The following UTS2 variants were observed in gnomAD, a reference collection of about 807,000 sequenced individuals.
UTS2 encodes the protein urotensin-2.
A neutral mutation model predicts 12.6 loss-of-function variants in UTS2; 10 were observed. The ratio of observed to expected loss-of-function variants is 0.80; its 90% CI spans 0.49 to 1.35. UTS2 has a LOEUF of 1.35. Ranked by LOEUF, UTS2 falls within the 40% of genes most tolerant of loss-of-function variation. The probability of loss-of-function intolerance (pLI) is 0.00; values close to 1 mark genes in which losing one functional copy is unlikely to be tolerated. For synonymous variants in UTS2, 52 were observed against 50.0 expected, an observed-to-expected ratio of 1.04 and a Z score of -0.17; for missense variants, 142 against 143.2, an observed-to-expected ratio of 0.99 and a Z score of 0.04.
At chr1:7,860,501 C>T in the UTS2 span, among the ~76,000 whole-genome samples, 4 of 152,162 alleles carry the variant, frequency 2.6e-5, no homozygotes. Flanking sequence ...TAAGGACTTT[C>T]TGTTTTAAAA....
At chr1:7,873,319 T>G in the UTS2 span, among the ~76,000 whole-genome samples, 1 of 152,342 alleles carries the variant, frequency 6.6e-6, no homozygotes, top group Non-Finnish European at 1.5e-5. Flanking sequence ...ATATGAGAAA[T>G]GTATTTCATG....
the UTS2 span, among the ~76,000 whole-genome samples, chr1:7,884,941 TCATC>T: frequency 1.4e-5 from 2 of 145,272 alleles, no homozygotes; most frequent in Non-Finnish European, 3.0e-5. Context: ...CACCTATCAT[TCATC>T]CATCCATCCA....
At chr1:7,861,534 G>A in the UTS2 span, among the ~76,000 whole-genome samples, 7 of 152,216 alleles carry the variant, frequency 4.6e-5, no homozygotes, top group Non-Finnish European at 1.0e-4. Context: ...GGTTCAAGAA[G>A]GGCGATCACG....
intron 3 of UTS2, 121 bp from the exon 4 acceptor site, chr1:7,848,003 A>C: frequency 1.4e-6 from 1 of 723,378 alleles, no homozygotes. Flanking sequence ...AAGTATTTGC[A>C]TTTTTCCCTG....
chr1:7,909,673 T>G, the UTS2 span, among the ~76,000 whole-genome samples: 1 of 151,842 alleles, frequency 6.6e-6, no homozygotes. Flanking sequence ...CAGGCTGGAG[T>G]GCAATGGCAC....
the UTS2 span, among the ~76,000 whole-genome samples, chr1:7,906,813 C>T: frequency 1.3e-5 from 2 of 152,152 alleles, no homozygotes; most frequent in Non-Finnish European, 2.9e-5. Context: ...AAATATTGAA[C>T]ACCAGTTAAC....
At chr1:7,909,207 G>A in the UTS2 span, among the ~76,000 whole-genome samples, 5,052 of 152,246 alleles carry the variant, frequency 0.033, 122 homozygotes, top group Non-Finnish European at 0.045. Flanking sequence ...TGAGATTTGG[G>A]TGGGGACACA....
chr1:7,889,941 C>G, the UTS2 span, among the ~76,000 whole-genome samples: 2 of 152,124 alleles, frequency 1.3e-5, no homozygotes, highest in Admixed American at 1.3e-4. Flanking sequence ...GTGGCGGGTG[C>G]CTGTGATCCC....
chr1:7,858,674 T>A, the UTS2 span, among the ~76,000 whole-genome samples: 6 of 152,234 alleles, frequency 3.9e-5, no homozygotes, highest in East Asian at 1.2e-3. Flanking sequence ...CCTCCAGGGT[T>A]CAAGCAAGTC....
chr1:7,849,339 C>T (rs1356445522), intron 3 of UTS2, among the ~76,000 whole-genome samples: 6 of 151,970 alleles, frequency 3.9e-5, no homozygotes, highest in South Asian at 2.1e-4. Context: ...CTCAGTCTCC[C>T]GAGTAGCTGG....
At chr1:7,891,231 C>G in the UTS2 span, among the ~76,000 whole-genome samples, 1 of 152,124 alleles carries the variant, frequency 6.6e-6, no homozygotes, top group Non-Finnish European at 1.5e-5. Context: ...GGAACAAGTT[C>G]AAGTCTGTTT....
At chr1:7,878,650 G>C in the UTS2 span, among the ~76,000 whole-genome samples, 1 of 151,878 alleles carries the variant, frequency 6.6e-6, no homozygotes, top group South Asian at 2.1e-4. Context: ...GATCACTGGA[G>C]CCCAGGAGTT....
At chr1:7,907,203 C>T in the UTS2 span, among the ~76,000 whole-genome samples, 1 of 152,112 alleles carries the variant, frequency 6.6e-6, no homozygotes, top group Non-Finnish European at 1.5e-5. Flanking sequence ...CTGCAATGAG[C>T]TGAGATCGTG....
the UTS2 span, among the ~76,000 whole-genome samples, chr1:7,884,203 C>T: frequency 3.3e-5 from 5 of 151,968 alleles, no homozygotes; most frequent in African/African-American, 4.8e-5. Context: ...TCACCGGGAA[C>T]ACAATATGTG....
At chr1:7,893,320 G>C in the UTS2 span, among the ~76,000 whole-genome samples, 3 of 152,072 alleles carry the variant, frequency 2.0e-5, no homozygotes, top group East Asian at 5.8e-4. Flanking sequence ...TGGACAATGT[G>C]GTGAAACCCC....
At chr1:7,861,576 G>A in the UTS2 span, among the ~76,000 whole-genome samples, 12 of 152,194 alleles carry the variant, frequency 7.9e-5, no homozygotes, top group Admixed American at 3.3e-4. Flanking sequence ...GGCTTGACCC[G>A]ATTTGCCTTT....
At chr1:7,873,641 C>T in the UTS2 span, among the ~76,000 whole-genome samples, 7 of 152,200 alleles carry the variant, frequency 4.6e-5, no homozygotes, top group East Asian at 1.9e-4. Flanking sequence ...CTTGAACTGA[C>T]GAGGAGTTGC....
At chr1:7,872,678 T>C in the UTS2 span, among the ~76,000 whole-genome samples, 1 of 152,204 alleles carries the variant, frequency 6.6e-6, no homozygotes, top group Non-Finnish European at 1.5e-5. Flanking sequence ...GGTTGGTTCA[T>C]GAGGTTTAAG....
At chr1:7,906,464 A>ACT in the UTS2 span, among the ~76,000 whole-genome samples, 1 of 146,452 alleles carries the variant, frequency 6.8e-6, no homozygotes, top group Admixed American at 6.8e-5. Context: ...AGAAAGAAAG[A>ACT]AAGAAAGAAA....
Sources: allele counts gnomAD v4.1 joint callset (sites outside exome capture counted in the v4.1 genomes callset), GRCh38; gene constraint gnomAD v4.1.1; transcripts MANE v1.5; gene names NCBI Gene and HGNC (gene_info 2026-07-23, HGNC 2026-07-21).